Variants in POLR2B observed in about 807,000 individuals in gnomAD.
The protein encoded by POLR2B is RNA polymerase II subunit B.
A neutral mutation model predicts 144.6 loss-of-function variants in POLR2B; 57 were observed. That is an observed-to-expected ratio of 0.39 (90% CI 0.32 to 0.49). The LOEUF (loss-of-function observed/expected upper bound fraction) is 0.49, where lower values mean the gene tolerates loss of function less well. Among genes scored for constraint, POLR2B ranks in the 20% least tolerant of loss-of-function variants. The probability of loss-of-function intolerance (pLI) is 0.83; values close to 1 mark genes in which losing one functional copy is unlikely to be tolerated. For missense variants in POLR2B, 595 were observed against 1,467.4 expected, an observed-to-expected ratio of 0.41 and a Z score of 9.71; for synonymous variants, 442 against 469.8, an observed-to-expected ratio of 0.94 and a Z score of 0.77.
At chr4:57,021,087 C>T (rs1040544819) in intron 17 of POLR2B, 92 bp downstream of exon 17, 5 of 735,136 alleles carry the variant, frequency 6.8e-6, no homozygotes, top group Non-Finnish European at 1.2e-5. Context: ...TTTAACTACG[C>T]CGCACTCCAG....
At chr4:56,990,063 TTG>T (rs1722465414) in intron 2 of POLR2B, among the ~76,000 whole-genome samples, 1 of 152,200 alleles carries the variant, frequency 6.6e-6, no homozygotes, top group Non-Finnish European at 1.5e-5. Context: ...TAACCTAAAG[TTG>T]GCATTCTCAT....
intron 7 of POLR2B, among the ~76,000 whole-genome samples, chr4:57,000,280 G>A (rs1261514363): frequency 6.6e-6 from 1 of 152,048 alleles, no homozygotes; most frequent in Non-Finnish European, 1.5e-5. Context: ...AATGCAAAAG[G>A]TTAACCAGGC....
At chr4:56,986,457 A>G (rs1360675879) in intron 2 of POLR2B, 31 bp downstream of exon 2, 1 of 1,388,136 alleles carries the variant, frequency 7.2e-7, no homozygotes, top group Admixed American at 1.7e-5. Context: ...ATTAGCCTGA[A>G]AAGGCACTTT....
At chr4:57,030,086 TA>T in intron 23 of POLR2B, 117 bp from the exon 24 acceptor site, 1 of 806,792 alleles carries the variant, frequency 1.2e-6, no homozygotes, top group Non-Finnish European at 2.0e-6. Context: ...TGCTAGGGTA[TA>T]AAAATTAGAG....
At chr4:57,026,630 G>A (rs935366478) in intron 23 of POLR2B, among the ~76,000 whole-genome samples, 1 of 151,906 alleles carries the variant, frequency 6.6e-6, no homozygotes, top group Admixed American at 6.6e-5. Flanking sequence ...GGGCGTGGTG[G>A]CTCACACCTG....
intron 5 of POLR2B, 81 bp downstream of exon 5, chr4:56,994,947 G>C (rs199707667): frequency 4.9e-6 from 4 of 812,182 alleles, no homozygotes; most frequent in Non-Finnish European, 7.4e-6. Context: ...AAAAAAAAAA[G>C]AAAGAAAGAT....
At chr4:56,988,671 A>G (rs1247134180) in intron 2 of POLR2B, among the ~76,000 whole-genome samples, 2 of 152,320 alleles carry the variant, frequency 1.3e-5, no homozygotes, top group Non-Finnish European at 1.5e-5. Flanking sequence ...GGAGCCATTT[A>G]AGAGTAAACT....
chr4:57,017,706 A>C lies in POLR2B; in HGVS notation c.2301A>C (p.Leu767=). ...TGACTACACGGTCTATGGAATATCT[A>C]CGATTTAGAGAGCTGCCAGCAGGTA... is the stretch of plus-strand genomic sequence containing the variant. ...PLVTTRSMEY[L]RFRELPAGIN... Residue 767 remains leucine, a synonymous_variant, in exon 16 of 25, where the codon CTA becomes CTC. Transcript: ENST00000314595. This position sits in a 1 kb window ranked among gnomAD's most constrained non-coding sequence, Gnocchi z 4.8. The C allele has an allele frequency of 6.2e-7, 1 of 1,613,538 alleles. No individual in the cohort carries two copies. The highest frequency in any genetic ancestry group is 8.5e-7 in the Non-Finnish European group (1 of 1,179,784).
intron 1 of POLR2B, among the ~76,000 whole-genome samples, chr4:56,985,734 T>A (rs915789421): frequency 1.3e-5 from 2 of 152,208 alleles, no homozygotes; most frequent in Admixed American, 1.3e-4. Flanking sequence ...AGGAAGTGTT[T>A]TAGCAAACAT....
rs1286781720 is a variant in POLR2B, at chr4:57,010,361, G to T, written c.1405G>T (p.Val469Leu). The change falls in exon 11 of 25, where the codon GTG becomes TTG. Residue 469 changes from valine (V) to leucine (L), a missense_variant and splice_region_variant. By Grantham distance (32) the Val-to-Leu change is conservative. Transcript: ENST00000314595. ...TTAAAGATTGGCTATTTTTTTCTAG[G>T]TGTTAAACCGCCTGACTTTTGCGTC... is the stretch of plus-strand genomic sequence containing the variant. The part of the protein sequence containing the change: ...AHQARAGVSQ[V>L]LNRLTFASTL... 1 of 1,612,866 alleles carries T rather than the reference G, an allele frequency of 6.2e-7. No individual in the cohort carries two copies. Among genetic ancestry groups the T allele is most frequent in the Admixed American group, 1.7e-5 (1 of 59,746 alleles).
In POLR2B at chr4:57,025,527, G is replaced by A; in HGVS notation, c.3229G>A (p.Gly1077Ser). The A allele has an allele frequency of 6.4e-7, 1 of 1,573,410 alleles. No homozygotes were observed. The highest frequency in any genetic ancestry group is 1.1e-5 in the South Asian group (1 of 88,908). Residue 1077 changes from glycine to serine, a missense_variant, in exon 23 of 25, where the codon GGT (glycine) becomes AGT (serine). This residue lies in a region of POLR2B where 65 missense variants were observed against 282.8 expected (regional missense o/e 0.23). Transcript: ENST00000314595. Reference protein sequence around the residue: ...IQILNRQPMEGRSRDGGLRFG... With the variant: ...IQILNRQPMESRSRDGGLRFG... Reference sequence around the variant, plus strand: ...GATCCTCAATAGACAGCCCATGGAGGGTAGATCTCGGTAAGAACTGTATCA... The same window carrying A: ...GATCCTCAATAGACAGCCCATGGAGAGTAGATCTCGGTAAGAACTGTATCA...
chr4:57,022,337 C>T, intron 18 of POLR2B, 91 bp downstream of exon 18: 2 of 737,574 alleles, frequency 2.7e-6, no homozygotes, highest in Admixed American at 2.4e-5. Flanking sequence ...CACCCTGTGC[C>T]TGCCCCTGTC....
chr4:57,006,966 A>G lies in POLR2B; in HGVS notation c.1368A>G (p.Gln456=), dbSNP rs2228126. The change falls in exon 10 of 25, where the codon CAA becomes CAG. Residue 456 remains glutamine (Q), a synonymous_variant. Transcript: ENST00000314595. The part of the protein sequence containing the change: ...YSLATGNWGD[Q]KKAHQARAGV... ...TAGCTACTGGAAACTGGGGTGATCAAAAGAAAGCTCATCAAGCCAGAGCTG... is the reference window on the plus strand; with the variant it reads ...TAGCTACTGGAAACTGGGGTGATCAGAAGAAAGCTCATCAAGCCAGAGCTG... 2.6e-4 allele frequency: 426 copies of G among 1,614,100 alleles called. 2 individuals carry two copies. The African/African-American group carries it at 5.2e-3, about 20-fold the overall frequency.
chr4:56,981,332 T>C (rs1489782395), intron 1 of POLR2B, among the ~76,000 whole-genome samples: 3 of 151,704 alleles, frequency 2.0e-5, no homozygotes, highest in East Asian at 1.9e-4. Flanking sequence ...GGATATTCGG[T>C]TTATTTCTAG....
intron 3 of POLR2B, among the ~76,000 whole-genome samples, chr4:56,992,022 T>C (rs1160324336): frequency 6.6e-6 from 1 of 152,084 alleles, no homozygotes; most frequent in Non-Finnish European, 1.5e-5. Context: ...ACATAGCAAA[T>C]TGAACGTGCC....
intron 23 of POLR2B, among the ~76,000 whole-genome samples, chr4:57,026,607 A>G (rs531970545): frequency 1.8e-4 from 28 of 151,842 alleles, no homozygotes; most frequent in Admixed American, 1.2e-3. Context: ...AACATAAATA[A>G]CATGTTTTGG....
Position 57,010,353 on chromosome 4 carries a change from T to C in POLR2B, c.1405-8T>C. 1 of 1,612,670 alleles carries C rather than the reference T, an allele frequency of 6.2e-7. No individual in the cohort carries two copies. Among genetic ancestry groups the C allele is most frequent in the Non-Finnish European group, 8.5e-7 (1 of 1,179,422 alleles). On this transcript the variant is annotated splice_region_variant and splice_polypyrimidine_tract_variant and intron_variant, in intron 10 of 24. Transcript: ENST00000314595. ...TCCAGACTTTAAAGATTGGCTATTTTTTTCTAGGTGTTAAACCGCCTGACT... is the reference window on the plus strand; with the variant it reads ...TCCAGACTTTAAAGATTGGCTATTTCTTTCTAGGTGTTAAACCGCCTGACT...
chr4:57,024,180 G>A, intron 21 of POLR2B, 68 bp downstream of exon 21: 1 of 802,500 alleles, frequency 1.2e-6, no homozygotes, highest in Non-Finnish European at 2.0e-6. Flanking sequence ...ATAGGTGATT[G>A]CTCTCACATT....
chr4:56,987,172 T>A (rs1026080209), intron 2 of POLR2B, among the ~76,000 whole-genome samples: 2 of 152,234 alleles, frequency 1.3e-5, no homozygotes, highest in African/African-American at 4.8e-5. Context: ...CAGTGCATCA[T>A]ATCAGGAGGC....
Sources: allele counts gnomAD v4.1 joint callset (sites outside exome capture counted in the v4.1 genomes callset), GRCh38; gene constraint gnomAD v4.1.1; regional missense constraint gnomAD v4.1.1; non-coding constraint Gnocchi (gnomAD v3.1); transcripts MANE v1.5; gene names NCBI Gene and HGNC (gene_info 2026-07-23, HGNC 2026-07-21).